TIAM1: variants seen among roughly 807,000 people sequenced by gnomAD.
TIAM1 encodes the protein rho guanine nucleotide exchange factor TIAM1.
TIAM1 carries 65 observed loss-of-function variants against 163.5 expected under a neutral mutation model. That is an observed-to-expected ratio of 0.40 (90% confidence interval 0.33 to 0.49). The LOEUF (loss-of-function observed/expected upper bound fraction) is 0.49. Ranked by LOEUF, TIAM1 falls within the 20% of genes least tolerant of loss-of-function variation. The pLI, the probability that TIAM1 is intolerant of heterozygous loss-of-function variation, is 0.77. For synonymous variants in TIAM1, 833 were observed against 810.1 expected (o/e 1.03, Z -0.48); for missense variants, 1,789 against 2,044.7 (o/e 0.87, Z 2.41).
intron 1 of TIAM1, among the ~76,000 whole-genome samples, chr21:31,540,562 G>A (rs1303528716): frequency 2.6e-5 from 4 of 152,162 alleles, no homozygotes; most frequent in African/African-American, 4.8e-5. Flanking sequence ...AACATACGGG[G>A]ACCCCCATCT....
At chr21:31,242,874 AAAAAAG>A (rs1266618864) in intron 6 of TIAM1, among the ~76,000 whole-genome samples, 10 of 148,598 alleles carry the variant, frequency 6.7e-5, no homozygotes, top group Non-Finnish European at 1.2e-4. Flanking sequence ...AAAAAAAAAA[AAAAAAG>A]AAAAAAGAAA....
At chr21:31,465,762 G>A (rs1421740551) in intron 1 of TIAM1, among the ~76,000 whole-genome samples, 6 of 152,168 alleles carry the variant, frequency 3.9e-5, no homozygotes, top group Admixed American at 3.9e-4. Flanking sequence ...AGTAGAGACG[G>A]GGTTTCACCG....
Position 31,207,652 on chromosome 21 carries a change from G to A in TIAM1, c.2388+2393C>T, listed in dbSNP as rs191386054. ...CAAGCTTTAGAAGGCACCTGGCCCT[G>A]AGCATACTATATCACTTTTCCTACA... On this transcript the variant is annotated intron_variant, in intron 11 of 27. Coordinates refer to ENST00000541036, the MANE Select transcript of TIAM1 (RefSeq NM_001353694.2). 2.9e-3 allele frequency among the ~76,000 whole-genome samples: 442 copies of A among 152,302 alleles called. 3 individuals carry two copies. Among genetic ancestry groups the A allele is most frequent in the Non-Finnish European group, 4.9e-3 (336 of 68,020 alleles).
chr21:31,428,974 G>A (rs1397520059), intron 2 of TIAM1, among the ~76,000 whole-genome samples: 3 of 151,548 alleles, frequency 2.0e-5, no homozygotes, highest in Admixed American at 1.3e-4. Context: ...TACTCTGGTG[G>A]CAGAATTGAT....
intron 2 of TIAM1, among the ~76,000 whole-genome samples, chr21:31,412,083 C>A (rs2077368542): frequency 6.6e-6 from 1 of 152,138 alleles, no homozygotes; most frequent in Non-Finnish European, 1.5e-5. Flanking sequence ...TATATATACA[C>A]AATGGAATAG....
At chr21:31,320,958 C>G (rs1178252929) in intron 2 of TIAM1, among the ~76,000 whole-genome samples, 1 of 151,814 alleles carries the variant, frequency 6.6e-6, no homozygotes, top group Non-Finnish European at 1.5e-5. Flanking sequence ...CACCATTGCA[C>G]TCCAGCCTGG....
intron 1 of TIAM1, among the ~76,000 whole-genome samples, chr21:31,486,901 A>T (rs1025723586): frequency 1.3e-5 from 2 of 152,180 alleles, no homozygotes; most frequent in African/African-American, 4.8e-5. Flanking sequence ...CCAACTCCTC[A>T]CCGGGGCCAC....
intron 3 of TIAM1, among the ~76,000 whole-genome samples, chr21:31,272,902 TTAAA>T (rs1283498477): frequency 6.6e-6 from 1 of 151,810 alleles, no homozygotes; most frequent in Non-Finnish European, 1.5e-5. Flanking sequence ...CAAAATGAGG[TTAAA>T]TAAAGAGGTG....
upstream of TIAM1, among the ~76,000 whole-genome samples, chr21:31,346,187 CA>C (rs2076144902): frequency 2.0e-5 from 3 of 152,048 alleles, no homozygotes; most frequent in South Asian, 6.3e-4. Flanking sequence ...CCACAAATGC[CA>C]ATAGTGCTGC....
At chr21:31,146,824 GC>G in intron 20 of TIAM1, 70 bp downstream of exon 20, 1 of 1,261,682 alleles carries the variant, frequency 7.9e-7, no homozygotes, top group Non-Finnish European at 1.1e-6. Flanking sequence ...CTGCCCAAAA[GC>G]CCCCAACCAC....
intron 1 of TIAM1, among the ~76,000 whole-genome samples, chr21:31,467,810 G>C (rs796670308): frequency 6.6e-6 from 1 of 151,998 alleles, no homozygotes. Flanking sequence ...CAGGCCAGGT[G>C]CGGCAGCTCA....
At chr21:31,290,646 CAAAAAAAAAAAA>C (rs200030849) in intron 2 of TIAM1, among the ~76,000 whole-genome samples, 85 of 63,206 alleles carry the variant, frequency 1.3e-3, no homozygotes, top group African/African-American at 4.9e-3. Context: ...GACTCTATCT[CAAAAAAAAAAAA>C]AAAAAAAAAA....
At chr21:31,438,899 T>C (rs2044318238) in intron 2 of TIAM1, among the ~76,000 whole-genome samples, 1 of 152,184 alleles carries the variant, frequency 6.6e-6, no homozygotes, top group African/African-American at 2.4e-5. Context: ...TTGCCAACTG[T>C]CTATCTCCTA....
intron 15 of TIAM1, among the ~76,000 whole-genome samples, chr21:31,165,796 A>G (rs545787381): frequency 4.6e-5 from 7 of 152,360 alleles, no homozygotes; most frequent in African/African-American, 1.7e-4. Flanking sequence ...TACTGAGAAC[A>G]GTACAACAAA....
intron 15 of TIAM1, among the ~76,000 whole-genome samples, chr21:31,173,862 A>G (rs1007076148): frequency 3.3e-5 from 5 of 152,142 alleles, no homozygotes; most frequent in Admixed American, 2.6e-4. Flanking sequence ...TCTCCGAAAC[A>G]TGTTTTTTCA....
At chr21:31,468,998 G>C (rs896628914) in intron 1 of TIAM1, among the ~76,000 whole-genome samples, 1 of 151,200 alleles carries the variant, frequency 6.6e-6, no homozygotes, top group African/African-American at 2.4e-5. Flanking sequence ...GAGGTCTCTC[G>C]ATCACAAGTC....
chr21:31,253,538 C>A (rs2071934076), intron 4 of TIAM1, among the ~76,000 whole-genome samples: 1 of 152,152 alleles, frequency 6.6e-6, no homozygotes. Flanking sequence ...AGTTCACCTT[C>A]ATCATGAAGA....
rs2084370851 is a variant in TIAM1, at chr21:31,168,881, C to T, written c.2888-3816G>A. Among the ~76,000 whole-genome samples the T allele has an allele frequency of 2.0e-5, 3 of 152,330 alleles. No individual in the cohort carries two copies. The South Asian group carries it at 6.2e-4, about 32-fold the overall frequency. On this transcript the variant is annotated intron_variant, in intron 15 of 27. Coordinates refer to ENST00000541036, the MANE Select transcript of TIAM1 (RefSeq NM_001353694.2). The stretch of plus-strand genomic sequence containing the variant: ...ATATTATAAAACACAAGAGGCAACA[C>T]ATCACTATGAGCAAGAGGCAACAGA...
At chr21:31,427,984 A>G (rs995064296) in intron 2 of TIAM1, among the ~76,000 whole-genome samples, 1 of 152,146 alleles carries the variant, frequency 6.6e-6, no homozygotes, top group Non-Finnish European at 1.5e-5. Flanking sequence ...GAACGCGGCC[A>G]GGCGCAGTGG....
Sources: gnomAD v4.1 joint callset for allele counts (sites outside exome capture counted in the v4.1 genomes callset) on GRCh38, gnomAD v4.1.1 for gene constraint, MANE v1.5 for transcripts, NCBI Gene and HGNC (gene_info 2026-07-23, HGNC 2026-07-21) for gene names.